TUSC3: variants seen among roughly 807,000 people sequenced by gnomAD.
The protein encoded by TUSC3 is dolichyl-diphosphooligosaccharide--protein glycosyltransferase subunit TUSC3.
Under a neutral mutation model 44.8 loss-of-function variants are expected in TUSC3, and 45 were observed. The ratio of observed to expected loss-of-function variants is 1.00; its 90% CI spans 0.79 to 1.29. The LOEUF is 1.29. TUSC3 is among the 50% of genes most tolerant of loss of function. The probability of loss-of-function intolerance (pLI) is 0.00; values close to 1 mark genes in which losing one functional copy is unlikely to be tolerated. For synonymous variants in TUSC3, 212 were observed against 152.9 expected (o/e 1.39, Z -2.85); for missense variants, 519 against 437.9 (o/e 1.19, Z -1.65).
the TUSC3 span, among the ~76,000 whole-genome samples, chr8:15,782,849 T>C: frequency 2.4e-3 from 358 of 152,322 alleles, no homozygotes; most frequent in African/African-American, 7.9e-3. Context: ...ACCACGTGTA[T>C]TCAACATAAT....
rs2604387 is a variant in TUSC3 at position 15,720,770 on chromosome 8, G to C, written c.799-9896G>C. Among the ~76,000 whole-genome samples, 891 of 152,208 alleles carry C rather than the reference G, an allele frequency of 5.9e-3. 10 individuals carry two copies. The highest frequency in any genetic ancestry group is 0.02 in the African/African-American group (829 of 41,546). ...GCTATCTGAAGTACTGGACATTTTA[G>C]CATGATATAATGGCACTAAGAGATT... is the stretch of plus-strand genomic sequence containing the variant. On this transcript the variant is annotated intron_variant, in intron 6 of 10. Transcript: ENST00000503731.
chr8:15,675,810 G>A (rs900151398), intron 6 of TUSC3, among the ~76,000 whole-genome samples: 5 of 152,050 alleles, frequency 3.3e-5, no homozygotes, highest in African/African-American at 1.2e-4. Context: ...TGTTGTATAT[G>A]TACCACATTT....
chr8:15,524,683 G>A (rs1018181380), intron 2 of TUSC3, among the ~76,000 whole-genome samples: 9 of 152,102 alleles, frequency 5.9e-5, no homozygotes, highest in African/African-American at 1.2e-4. Flanking sequence ...AAGACCCAAT[G>A]GAGAACCTAT....
intron 2 of TUSC3, among the ~76,000 whole-genome samples, chr8:15,506,922 T>G (rs1229333193): frequency 1.3e-5 from 2 of 152,216 alleles, no homozygotes; most frequent in Non-Finnish European, 2.9e-5. Context: ...TTTCCTGTCT[T>G]GGTCGGCTAG....
At chr8:15,489,112 G>A (rs953067833) in intron 2 of TUSC3, among the ~76,000 whole-genome samples, 1 of 152,164 alleles carries the variant, frequency 6.6e-6, no homozygotes, top group Non-Finnish European at 1.5e-5. Flanking sequence ...GTCCAACATG[G>A]TTGGGTTACA....
chr8:15,656,629 A>C (rs896464236), intron 3 of TUSC3, among the ~76,000 whole-genome samples: 1 of 145,370 alleles, frequency 6.9e-6, no homozygotes, highest in Non-Finnish European at 1.5e-5. Flanking sequence ...AAGCCCACGC[A>C]ACAGCTCTCC....
chr8:15,517,098 A>G (rs956975256), intron 2 of TUSC3, among the ~76,000 whole-genome samples: 6 of 152,134 alleles, frequency 3.9e-5, no homozygotes, highest in East Asian at 1.9e-4. Context: ...TGCATTTTCA[A>G]TGGGAGCTTT....
the TUSC3 span, among the ~76,000 whole-genome samples, chr8:15,800,613 T>C: frequency 4.0e-5 from 6 of 151,836 alleles, no homozygotes; most frequent in Admixed American, 2.0e-4. Flanking sequence ...CATTTTCTCC[T>C]AGGGATGAGC....
At chr8:15,592,708 A>G (rs1192472383) in intron 1 of TUSC3, among the ~76,000 whole-genome samples, 1 of 152,190 alleles carries the variant, frequency 6.6e-6, no homozygotes, top group Non-Finnish European at 1.5e-5. Flanking sequence ...TTCTTTATAA[A>G]TTATCAAATT....
intron 1 of TUSC3, among the ~76,000 whole-genome samples, chr8:15,465,642 G>C (rs1033036034): frequency 1.3e-5 from 2 of 152,174 alleles, no homozygotes; most frequent in Non-Finnish European, 2.9e-5. Flanking sequence ...TTAATTTTCA[G>C]ATGAGGAAGA....
At chr8:15,670,024 T>C (rs1476289266) in intron 5 of TUSC3, among the ~76,000 whole-genome samples, 1 of 151,858 alleles carries the variant, frequency 6.6e-6, no homozygotes, top group African/African-American at 2.4e-5. Flanking sequence ...AAAAATCTAT[T>C]GTCATAGCAT....
At chr8:15,504,128 C>G (rs1801012791) in intron 2 of TUSC3, among the ~76,000 whole-genome samples, 1 of 152,066 alleles carries the variant, frequency 6.6e-6, no homozygotes, top group African/African-American at 2.4e-5. Flanking sequence ...CAAAAGAAAG[C>G]CATGAATACA....
the TUSC3 span, among the ~76,000 whole-genome samples, chr8:15,798,743 GC>G: frequency 6.6e-6 from 1 of 152,028 alleles, no homozygotes; most frequent in Non-Finnish European, 1.5e-5. Flanking sequence ...GCATCCTCGG[GC>G]CAACTAAGGC....
At chr8:15,847,172 G>A in the TUSC3 span, among the ~76,000 whole-genome samples, 3 of 152,210 alleles carry the variant, frequency 2.0e-5, no homozygotes, top group African/African-American at 7.2e-5. Flanking sequence ...GCAGGGAGAG[G>A]CAGGGGAAGG....
chr8:15,528,769 A>G (rs1200864370), intron 2 of TUSC3, among the ~76,000 whole-genome samples: 4 of 152,156 alleles, frequency 2.6e-5, no homozygotes, highest in Non-Finnish European at 5.9e-5. Flanking sequence ...AATAGCTTCA[A>G]ACATTTGTCC....
intron 1 of TUSC3, among the ~76,000 whole-genome samples, chr8:15,560,763 A>C (rs564600871): frequency 9.0e-6 from 1 of 111,600 alleles, no homozygotes; most frequent in African/African-American, 3.3e-5. Context: ...TTCATCTTCC[A>C]TCGCTGATAC....
chr8:15,711,157 A>C (rs1196515199), intron 6 of TUSC3, among the ~76,000 whole-genome samples: 2 of 151,222 alleles, frequency 1.3e-5, no homozygotes, highest in African/African-American at 4.9e-5. Flanking sequence ...CACTACCAGC[A>C]TTTTCCTTGG....
At chr8:15,713,384 A>C (rs536796328) in intron 6 of TUSC3, among the ~76,000 whole-genome samples, 1 of 152,296 alleles carries the variant, frequency 6.6e-6, no homozygotes, top group South Asian at 2.1e-4. Flanking sequence ...GCATAGTGTT[A>C]CTGTCATTGT....
At chr8:15,570,476 C>G (rs895511460) in intron 1 of TUSC3, among the ~76,000 whole-genome samples, 3 of 152,004 alleles carry the variant, frequency 2.0e-5, no homozygotes, top group Non-Finnish European at 2.9e-5. Flanking sequence ...CTGTGTGAAT[C>G]AAAAGAGCTT....
Sources: gnomAD v4.1 joint callset for allele counts (sites outside exome capture counted in the v4.1 genomes callset) on GRCh38, gnomAD v4.1.1 for gene constraint, MANE v1.5 for transcripts, NCBI Gene and HGNC (gene_info 2026-07-23, HGNC 2026-07-21) for gene names.